NLGN1: variants seen among roughly 807,000 people sequenced by gnomAD.
The protein encoded by NLGN1 is neuroligin-1.
Under a neutral mutation model 65.5 loss-of-function variants are expected in NLGN1, and 12 were observed. That is an observed-to-expected ratio of 0.18 (90% CI 0.12 to 0.30). NLGN1 has a LOEUF of 0.30. NLGN1 is among the 10% of genes least tolerant of loss of function. The pLI, the probability that NLGN1 is intolerant of heterozygous loss-of-function variation, is 1.00. For missense variants in NLGN1, 750 were observed against 1,007.1 expected, an observed-to-expected ratio of 0.74 and a Z score of 3.46; for synonymous variants, 350 against 359.5, an observed-to-expected ratio of 0.97 and a Z score of 0.30.
chr3:173,728,652 G>T (rs915467908), intron 3 of NLGN1, among the ~76,000 whole-genome samples: 1 of 152,098 alleles, frequency 6.6e-6, no homozygotes, highest in Non-Finnish European at 1.5e-5. Context: ...TGGTATCTTT[G>T]TAAGAGTAGA....
At chr3:174,210,984 GGTGA>G (rs1462607342) in intron 4 of NLGN1, among the ~76,000 whole-genome samples, 1 of 152,158 alleles carries the variant, frequency 6.6e-6, no homozygotes, top group African/African-American at 2.4e-5. Flanking sequence ...GGACCCTCGC[GGTGA>G]GTGTTACAGC....
intron 2 of NLGN1, among the ~76,000 whole-genome samples, chr3:173,560,965 T>TGAA (rs1742633393): frequency 6.6e-6 from 1 of 152,172 alleles, no homozygotes; most frequent in Admixed American, 6.5e-5. Context: ...TAACTGAAAA[T>TGAA]AAATATATTA....
Position 174,022,991 on chromosome 3 carries a change from TTTAC to T in NLGN1, c.646+215163_646+215166del, listed in dbSNP as rs552663890. On this transcript the variant is annotated intron_variant, in intron 4 of 6. Coordinates refer to ENST00000457714, the Ensembl canonical transcript of NLGN1. ...GAATTATGTTATACTTCAATACAAT[TTTAC>T]TTAAACAGAAAAAATACCTAGAAAG... 4.2e-3 allele frequency among the ~76,000 whole-genome samples: 632 copies of T among 152,200 alleles called. 2 individuals are homozygous for T. Among genetic ancestry groups the T allele is most frequent in the Admixed American group, 6.5e-3 (99 of 15,274 alleles).
chr3:173,608,970 A>G (rs1751835190), intron 3 of NLGN1, among the ~76,000 whole-genome samples: 1 of 151,988 alleles, frequency 6.6e-6, no homozygotes, highest in Admixed American at 6.6e-5. Flanking sequence ...CTTACTGTCC[A>G]GATTAAGATC....
chr3:174,109,279 C>A (rs1171158173), intron 4 of NLGN1, among the ~76,000 whole-genome samples: 2 of 151,586 alleles, frequency 1.3e-5, no homozygotes, highest in African/African-American at 4.8e-5. Flanking sequence ...TAATAAGTTC[C>A]TTTTCCTTCA....
At chr3:174,126,058 G>C (rs1413111451) in intron 4 of NLGN1, among the ~76,000 whole-genome samples, 1 of 152,104 alleles carries the variant, frequency 6.6e-6, no homozygotes, top group Non-Finnish European at 1.5e-5. Flanking sequence ...GTCACACATT[G>C]AGAAGGAGTG....
chr3:173,601,207 C>G (rs1750484879), intron 2 of NLGN1, among the ~76,000 whole-genome samples: 2 of 151,844 alleles, frequency 1.3e-5, no homozygotes, highest in Admixed American at 1.3e-4. Context: ...GATTTTCTGG[C>G]CTTCTTATTT....
downstream of NLGN1, among the ~76,000 whole-genome samples, chr3:174,289,910 T>C (rs1411779256): frequency 6.9e-6 from 1 of 144,254 alleles, no homozygotes; most frequent in Admixed American, 7.1e-5. Context: ...TATATATATA[T>C]GTATGTATAT....
At chr3:174,183,816 T>C (rs1443173988) in intron 4 of NLGN1, among the ~76,000 whole-genome samples, 2 of 152,218 alleles carry the variant, frequency 1.3e-5, no homozygotes, top group African/African-American at 4.8e-5. Flanking sequence ...CCAGTCATTA[T>C]TCACCTAGGT....
intron 4 of NLGN1, among the ~76,000 whole-genome samples, chr3:174,154,961 TATA>T (rs1414622337): frequency 1.4e-5 from 2 of 140,202 alleles, no homozygotes; most frequent in African/African-American, 5.2e-5. Context: ...TAATATAATA[TATA>T]ATTATATATA....
intron 4 of NLGN1, among the ~76,000 whole-genome samples, chr3:174,235,548 C>T (rs542264529): frequency 6.4e-4 from 98 of 152,142 alleles, no homozygotes; most frequent in African/African-American, 2.3e-3. Context: ...CCTGGGCAGA[C>T]GCATCTTACA....
At chr3:174,066,558 C>CTGTG (rs1327610699) in intron 4 of NLGN1, among the ~76,000 whole-genome samples, 80 of 134,228 alleles carry the variant, frequency 6.0e-4, no homozygotes, top group African/African-American at 2.4e-3. Context: ...CTCTCTCTCT[C>CTGTG]TCTCTCTGTG....
At chr3:174,172,098 T>C (rs1237772901) in intron 4 of NLGN1, among the ~76,000 whole-genome samples, 7 of 152,236 alleles carry the variant, frequency 4.6e-5, no homozygotes, top group Non-Finnish European at 8.8e-5. Flanking sequence ...TCTGAAGTTC[T>C]CTTGATGTTT....
At chr3:174,292,781 A>G in the NLGN1 span, among the ~76,000 whole-genome samples, 1 of 151,392 alleles carries the variant, frequency 6.6e-6, no homozygotes, top group Admixed American at 6.6e-5. Context: ...AAGCATCACA[A>G]AATTAGAAAT....
rs1560406705 is a variant in NLGN1 at position 173,539,698 on chromosome 3, GCACATATATACATATATGTA to G, written c.-320-64578_-320-64559del. On this transcript the variant is annotated intron_variant, in intron 2 of 6. Transcript: ENST00000457714. ...ATATAACATACATATATGTACATAT[GCACATATATACATATATGTA>G]CATATGCACATATATACATATATGT... Among the ~76,000 whole-genome samples the G allele has an allele frequency of 6.4e-4, 84 of 130,708 alleles. 1 individual carries two copies. Among genetic ancestry groups the G allele is most frequent in the African/African-American group, 2.4e-3 (77 of 32,754 alleles). The allele number at this position is 130,708 out of a possible 152,430, so 85.7% of individuals were successfully genotyped here. A position where few individuals can be genotyped will look rare whatever the true frequency, so the allele number is the denominator to read the frequency against.
chr3:173,622,919 G>A (rs1472399417), intron 3 of NLGN1, among the ~76,000 whole-genome samples: 2 of 151,992 alleles, frequency 1.3e-5, no homozygotes, highest in Non-Finnish European at 2.9e-5. Context: ...ACAAATGTAG[G>A]CCTTGGGGAA....
At chr3:173,426,161 G>T (rs811719) in intron 1 of NLGN1, among the ~76,000 whole-genome samples, 51,976 of 151,770 alleles carry the variant, frequency 0.34, 9,940 homozygotes, top group African/African-American at 0.51. Context: ...ACTACTGTTT[G>T]TTTGTGTCAT....
chr3:173,709,118 G>C (rs556022498), intron 3 of NLGN1, among the ~76,000 whole-genome samples: 6 of 152,262 alleles, frequency 3.9e-5, no homozygotes, highest in Non-Finnish European at 8.8e-5. Context: ...GAAAGTCTAG[G>C]TTTTGTTATG....
At chr3:174,081,237 A>G (rs1442849364) in intron 4 of NLGN1, among the ~76,000 whole-genome samples, 2 of 152,088 alleles carry the variant, frequency 1.3e-5, no homozygotes, top group African/African-American at 4.8e-5. Flanking sequence ...TTTATTTATG[A>G]CTTGGTGAAA....
Sources: gnomAD v4.1 joint callset for allele counts (sites outside exome capture counted in the v4.1 genomes callset) on GRCh38, gnomAD v4.1.1 for gene constraint, MANE v1.5 for transcripts, NCBI Gene and HGNC (gene_info 2026-07-23, HGNC 2026-07-21) for gene names.